Variants in MSI2 observed in about 807,000 individuals in gnomAD.
The protein encoded by MSI2 is RNA-binding protein Musashi homolog 2.
A neutral mutation model predicts 45.6 loss-of-function variants in MSI2; 17 were observed. That is an observed-to-expected ratio of 0.37 (90% CI 0.26 to 0.56). The LOEUF (loss-of-function observed/expected upper bound fraction) is 0.56, where lower values mean the gene tolerates loss of function less well. MSI2 is among the 20% of genes least tolerant of loss of function. The pLI is 0.77. For missense variants in MSI2, 293 were observed against 444.2 expected (o/e 0.66, Z 3.06); for synonymous variants, 156 against 158.2 (o/e 0.99, Z 0.11).
At chr17:57,293,467 G>A (rs1910622060) in intron 5 of MSI2, among the ~76,000 whole-genome samples, 1 of 152,096 alleles carries the variant, frequency 6.6e-6, no homozygotes, top group African/African-American at 2.4e-5. Context: ...CTGCAACAGC[G>A]CTTGGCTGTA....
intron 7 of MSI2, among the ~76,000 whole-genome samples, chr17:57,563,372 G>T (rs1485506874): frequency 6.6e-6 from 1 of 152,004 alleles, no homozygotes; most frequent in African/African-American, 2.4e-5. Context: ...TTTCTCTCCA[G>T]CCCTACACTT....
chr17:57,627,243 G>T lies in MSI2; in HGVS notation c.667G>T (p.Val223Leu). The change falls in exon 10 of 14, where the codon GTG becomes TTG. Residue 223 changes from valine to leucine, a missense_variant. Val to Leu is a conservative substitution (Grantham distance 32, BLOSUM62 1). Coordinates refer to ENST00000284073, the MANE Select transcript of MSI2 (RefSeq NM_138962.4). This position sits in a 1 kb window ranked among gnomAD's most constrained non-coding sequence, Gnocchi z 4.6. ...TTGTGTTCAAGGATATCCCAACTTC[G>T]TGGCGACCTATGGCCGTGGCTACCC... is the stretch of plus-strand genomic sequence containing the variant. ...GMGMLGYPNF[V>L]ATYGRGYPGF... 3 of 1,614,148 alleles carry T rather than the reference G, an allele frequency of 1.9e-6. No individual in the cohort carries two copies. Among genetic ancestry groups the T allele is most frequent in the Non-Finnish European group, 2.5e-6 (3 of 1,180,032 alleles).
At chr17:57,612,571 G>A (rs1007604462) in intron 8 of MSI2, among the ~76,000 whole-genome samples, 1 of 152,136 alleles carries the variant, frequency 6.6e-6, no homozygotes, top group Non-Finnish European at 1.5e-5. Context: ...AACACTCACC[G>A]TTGACCCAGC....
intron 5 of MSI2, among the ~76,000 whole-genome samples, chr17:57,391,717 C>T (rs1299714092): frequency 1.3e-5 from 2 of 152,208 alleles, no homozygotes; most frequent in African/African-American, 4.8e-5. Context: ...TCCTGTCTGG[C>T]TCTTTCTTTC....
intron 10 of MSI2, among the ~76,000 whole-genome samples, chr17:57,639,782 G>A (rs1328921582): frequency 6.6e-6 from 1 of 152,108 alleles, no homozygotes; most frequent in Non-Finnish European, 1.5e-5. Context: ...GGATTCTACA[G>A]TCTTTCTCCT....
intron 8 of MSI2, among the ~76,000 whole-genome samples, chr17:57,597,634 T>A (rs544554698): frequency 4.9e-4 from 75 of 151,904 alleles, no homozygotes; most frequent in African/African-American, 1.5e-3. Context: ...TCAAAAAAAA[T>A]AAAAATAAAA....
chr17:57,377,267 G>A (rs1014154635), intron 5 of MSI2, among the ~76,000 whole-genome samples: 1 of 152,180 alleles, frequency 6.6e-6, no homozygotes, highest in Non-Finnish European at 1.5e-5. Flanking sequence ...CAGAAGGAAG[G>A]AATGAGCCAA....
At chr17:57,371,028 C>T (rs1441307708) in intron 5 of MSI2, among the ~76,000 whole-genome samples, 6 of 152,146 alleles carry the variant, frequency 3.9e-5, no homozygotes, top group African/African-American at 1.4e-4. Context: ...TTATATATGA[C>T]GCATGCAGTA....
chr17:57,496,136 G>T (rs573114107), intron 6 of MSI2, among the ~76,000 whole-genome samples: 1 of 152,154 alleles, frequency 6.6e-6, no homozygotes, highest in Non-Finnish European at 1.5e-5. Flanking sequence ...AATTATTGTC[G>T]CTTGTGTCAT....
chr17:57,541,404 A>G (rs1264144347), intron 7 of MSI2, among the ~76,000 whole-genome samples: 6 of 152,224 alleles, frequency 3.9e-5, no homozygotes, highest in Non-Finnish European at 1.5e-5. Context: ...GAAGGAATTC[A>G]GGAGAGCTCA....
intron 6 of MSI2, among the ~76,000 whole-genome samples, chr17:57,492,254 C>G (rs1190103230): frequency 2.6e-5 from 4 of 152,090 alleles, no homozygotes; most frequent in Non-Finnish European, 4.4e-5. Flanking sequence ...ATATGAGTAC[C>G]GAAGGTGATG....
At chr17:57,641,586 A>G (rs1164668111) in intron 10 of MSI2, among the ~76,000 whole-genome samples, 2 of 152,320 alleles carry the variant, frequency 1.3e-5, no homozygotes, top group South Asian at 2.1e-4. Context: ...TGGAAGGATC[A>G]ATGGTCAGAA....
chr17:57,604,419 T>G (rs1906291786), intron 8 of MSI2, among the ~76,000 whole-genome samples: 1 of 152,060 alleles, frequency 6.6e-6, no homozygotes, highest in Admixed American at 6.5e-5. Context: ...GTGCGGGACC[T>G]GGGCAGGACT....
chr17:57,345,113 C>T (rs1915500094), intron 5 of MSI2, among the ~76,000 whole-genome samples: 2 of 152,116 alleles, frequency 1.3e-5, no homozygotes. Flanking sequence ...GTTTGCATTT[C>T]TCTTGCATCC....
At chr17:57,577,536 C>T (rs2088082656) in intron 7 of MSI2, among the ~76,000 whole-genome samples, 1 of 152,020 alleles carries the variant, frequency 6.6e-6, no homozygotes. Flanking sequence ...TTATTTACTG[C>T]CATGCTCAGT....
intron 6 of MSI2, among the ~76,000 whole-genome samples, chr17:57,445,862 C>T (rs2877824): frequency 0.2 from 30,844 of 152,030 alleles, 3,571 homozygotes; most frequent in Non-Finnish European, 0.25. Context: ...GAATATGGAA[C>T]GCTATTCTAG....
intron 6 of MSI2, among the ~76,000 whole-genome samples, chr17:57,414,235 G>A (rs1020464733): frequency 1.3e-5 from 2 of 152,176 alleles, no homozygotes; most frequent in Non-Finnish European, 2.9e-5. Context: ...ACCAAGTGGG[G>A]CTGGGTCTGT....
intron 5 of MSI2, among the ~76,000 whole-genome samples, chr17:57,382,759 G>A (rs1475929462): frequency 6.6e-6 from 1 of 152,212 alleles, no homozygotes; most frequent in East Asian, 1.9e-4. Flanking sequence ...CCAAGTAGCT[G>A]CTCAGAAATT....
chr17:57,587,319 TCTC>T (rs1439518489), intron 7 of MSI2, among the ~76,000 whole-genome samples: 2 of 152,208 alleles, frequency 1.3e-5, no homozygotes, highest in African/African-American at 4.8e-5. Flanking sequence ...TTAGAAGGTT[TCTC>T]CTCACATTTC....
Sources: gnomAD v4.1 joint callset for allele counts (sites outside exome capture counted in the v4.1 genomes callset) on GRCh38, gnomAD v4.1.1 for gene constraint, Gnocchi (gnomAD v3.1) non-coding constraint, MANE v1.5 for transcripts, NCBI Gene and HGNC (gene_info 2026-07-23, HGNC 2026-07-21) for gene names.